Variants in RBMS3 observed in about 807,000 individuals in gnomAD.
RBMS3 encodes the protein RNA binding motif single stranded interacting protein 3.
Under a neutral mutation model 66.8 loss-of-function variants are expected in RBMS3, and 27 were observed. The observed-to-expected ratio is 0.40, with a 90% CI of 0.30 to 0.56. RBMS3 has a LOEUF of 0.56. Ranked by LOEUF, RBMS3 falls within the 20% of genes least tolerant of loss-of-function variation. The pLI, the probability that RBMS3 is intolerant of heterozygous loss-of-function variation, is 0.40. For missense variants in RBMS3, 513 were observed against 549.5 expected (o/e 0.93, Z 0.66); for synonymous variants, 188 against 183.0 (o/e 1.03, Z -0.22).
Position 29,624,503 on chromosome 3 carries a change from G to A in RBMS3, c.399+37298G>A, listed in dbSNP as rs368586606. ...GAGTCCATAAGTATCTAGTAGAATAGCTTTTGATTGGCCAGATTCTATCTC... is the reference window on the plus strand; with the variant it reads ...GAGTCCATAAGTATCTAGTAGAATAACTTTTGATTGGCCAGATTCTATCTC... On this transcript the variant is annotated intron_variant, in intron 4 of 14. Coordinates refer to ENST00000383767, the MANE Select transcript of RBMS3 (RefSeq NM_001003793.3). Among the ~76,000 whole-genome samples, 19 of 152,114 alleles carry A rather than the reference G, an allele frequency of 1.2e-4. No individual in the cohort carries two copies. In the East Asian group the frequency reaches 3.3e-3, roughly 26 times the overall value.
chr3:29,470,209 T>A (rs898436750), intron 2 of RBMS3, among the ~76,000 whole-genome samples: 8 of 151,804 alleles, frequency 5.3e-5, no homozygotes, highest in African/African-American at 1.7e-4. Context: ...ATGCGGAAAA[T>A]GCATGTTTTA....
chr3:29,360,876 CT>C (rs1001077481), intron 1 of RBMS3, among the ~76,000 whole-genome samples: 3 of 151,784 alleles, frequency 2.0e-5, no homozygotes, highest in African/African-American at 7.3e-5. Flanking sequence ...CAACCCCTGC[CT>C]TTTTTTGGTT....
chr3:29,920,097 A>G (rs2060732673), intron 10 of RBMS3, among the ~76,000 whole-genome samples: 1 of 152,158 alleles, frequency 6.6e-6, no homozygotes, highest in African/African-American at 2.4e-5. Context: ...AAGGTCATGC[A>G]TGGCAGTAAT....
At chr3:29,444,890 A>G (rs1243379506) in intron 2 of RBMS3, among the ~76,000 whole-genome samples, 2 of 136,646 alleles carry the variant, frequency 1.5e-5, no homozygotes, top group African/African-American at 5.5e-5. Flanking sequence ...ATCTCCATCT[A>G]TCTCTGTCTC....
chr3:29,593,414 G>A (rs2149104136), intron 4 of RBMS3, among the ~76,000 whole-genome samples: 1 of 152,288 alleles, frequency 6.6e-6, no homozygotes, highest in African/African-American at 2.4e-5. Context: ...GAGCCTCCTG[G>A]TAAACATAGA....
In RBMS3 at chr3:29,488,940, G is replaced by A. The variant is rs141397962; in HGVS notation, c.307+441G>A. 8.3e-3 allele frequency among the ~76,000 whole-genome samples: 1,264 copies of A among 152,272 alleles called. 13 individuals carry two copies. Among genetic ancestry groups the A allele is most frequent in the South Asian group, 0.039 (187 of 4,826 alleles). ...TTTACTGATGGGCCTATTGTATTAA[G>A]CTTCAGCTATAAGCATCTCAGGGAT... On this transcript the variant is annotated intron_variant, in intron 3 of 14. Coordinates refer to ENST00000383767, the MANE Select transcript of RBMS3 (RefSeq NM_001003793.3).
Position 29,824,908 on chromosome 3 carries a change from T to A in RBMS3, c.638-43950T>A, listed in dbSNP as rs192676644. 9.2e-5 allele frequency among the ~76,000 whole-genome samples: 14 copies of A among 152,324 alleles called. 1 individual carries two copies. The highest frequency in any genetic ancestry group is 8.5e-4 in the Admixed American group (13 of 15,294). On this transcript the variant is annotated intron_variant, in intron 6 of 14. Coordinates refer to ENST00000383767, the MANE Select transcript of RBMS3 (RefSeq NM_001003793.3). ...ATTATTTTTATACAGAGCATTTTTT[T>A]ATCATCACTTGGGTTTTTCTGAAAT...
chr3:29,799,310 A>G (rs545188381), intron 6 of RBMS3, among the ~76,000 whole-genome samples: 1 of 152,338 alleles, frequency 6.6e-6, no homozygotes, highest in South Asian at 2.1e-4. Context: ...TGTCTGAGTG[A>G]CAGGATATGC....
chr3:29,762,051 A>G (rs1312640027), intron 5 of RBMS3, among the ~76,000 whole-genome samples: 3 of 152,178 alleles, frequency 2.0e-5, no homozygotes, highest in African/African-American at 7.2e-5. Flanking sequence ...TACTGTACTT[A>G]AGATATGGTA....
chr3:29,646,626 C>T (rs1233791314), intron 4 of RBMS3, among the ~76,000 whole-genome samples: 1 of 150,998 alleles, frequency 6.6e-6, no homozygotes, highest in East Asian at 2.0e-4. Context: ...TTTTTTCATA[C>T]CAAATCATTT....
At chr3:29,559,440 G>A (rs1168349158) in intron 3 of RBMS3, among the ~76,000 whole-genome samples, 1 of 145,190 alleles carries the variant, frequency 6.9e-6, no homozygotes, top group East Asian at 2.0e-4. Flanking sequence ...GAACCTGGGA[G>A]GTGGAGGTTG....
intron 4 of RBMS3, among the ~76,000 whole-genome samples, chr3:29,595,943 A>G (rs1199401829): frequency 6.6e-6 from 1 of 152,204 alleles, no homozygotes; most frequent in African/African-American, 2.4e-5. Flanking sequence ...CCCAAGGACA[A>G]GGGAGAGAGC....
chr3:29,695,089 C>G (rs2052206350), intron 4 of RBMS3, among the ~76,000 whole-genome samples: 1 of 152,036 alleles, frequency 6.6e-6, no homozygotes. Flanking sequence ...AACACTTTTG[C>G]TCAAATAACA....
intron 4 of RBMS3, among the ~76,000 whole-genome samples, chr3:29,626,991 G>T (rs1294590318): frequency 6.6e-6 from 1 of 152,054 alleles, no homozygotes; most frequent in Non-Finnish European, 1.5e-5. Context: ...ATAAAGCCTG[G>T]GTTGCTACCC....
At chr3:29,679,193 T>C (rs2051383221) in intron 4 of RBMS3, among the ~76,000 whole-genome samples, 1 of 152,110 alleles carries the variant, frequency 6.6e-6, no homozygotes, top group Non-Finnish European at 1.5e-5. Context: ...TTATGCATGA[T>C]AAAGTTTGAA....
At chr3:29,420,678 GTT>G (rs2040678920) in intron 1 of RBMS3, among the ~76,000 whole-genome samples, 1 of 151,320 alleles carries the variant, frequency 6.6e-6, no homozygotes, top group Admixed American at 6.6e-5. Flanking sequence ...ATTGTGAATA[GTT>G]TTCTGTTTTG....
intron 1 of RBMS3, among the ~76,000 whole-genome samples, chr3:29,372,640 G>A (rs1344087209): frequency 6.6e-6 from 1 of 151,566 alleles, no homozygotes; most frequent in Admixed American, 6.6e-5. Context: ...TGGTTTTTTT[G>A]TTCCTCTCTC....
chr3:29,774,880 T>C (rs2056365841), intron 6 of RBMS3, among the ~76,000 whole-genome samples: 1 of 148,998 alleles, frequency 6.7e-6, no homozygotes, highest in Non-Finnish European at 1.5e-5. Flanking sequence ...TGTCAATATG[T>C]AACAGGACTA....
intron 11 of RBMS3, among the ~76,000 whole-genome samples, chr3:29,940,758 CAA>C (rs34538761): frequency 1.0e-3 from 153 of 145,902 alleles, no homozygotes; most frequent in Middle Eastern, 3.5e-3. Context: ...CTGCAGGCCT[CAA>C]AAAAAAAAAA....
Sources: allele counts gnomAD v4.1 joint callset (sites outside exome capture counted in the v4.1 genomes callset), GRCh38; gene constraint gnomAD v4.1.1; transcripts MANE v1.5; gene names NCBI Gene and HGNC (gene_info 2026-07-23, HGNC 2026-07-21).